The following FMO1 variants were observed in gnomAD, a reference collection of about 807,000 sequenced individuals.
FMO1 encodes flavin containing dimethylaniline monoxygenase 1, also known as flavin-containing monooxygenase 1.
In FMO1, 36 loss-of-function variants were observed where a neutral mutation model predicts 45.4. The ratio of observed to expected loss-of-function variants is 0.79; its 90% CI spans 0.61 to 1.05. FMO1 has a LOEUF of 1.05. FMO1 is among the 50% of genes least tolerant of loss of function. FMO1 has a pLI of 0.00. For missense variants in FMO1, 615 were observed against 640.3 expected, an observed-to-expected ratio of 0.96 and a Z score of 0.43; for synonymous variants, 228 against 227.2, an observed-to-expected ratio of 1.00 and a Z score of -0.03.
At chr1:171,285,162 T>C in intron 8 of FMO1, 40 bp from the exon 9 acceptor site, 1 of 1,363,670 alleles carries the variant, frequency 7.3e-7, no homozygotes, top group South Asian at 1.4e-5. Context: ...TTATCAGTTT[T>C]TTTGTCTTCA....
intron 1 of FMO1, among the ~76,000 whole-genome samples, chr1:171,253,286 T>C (rs2102063606): frequency 6.6e-6 from 1 of 152,292 alleles, no homozygotes; most frequent in Non-Finnish European, 1.5e-5. Flanking sequence ...AGATATACTG[T>C]GACTTTGTCT....
rs1237638206 is a variant in FMO1 at position 171,284,180 on chromosome 1, AAAAAAAAC to A, written c.1256+971_1256+978del. ...TGAAATAAAGGTTCTGTGGCAAAAA[AAAAAAAAC>A]AAAAAACAGCAAGTTTTAAAATCAT... On this transcript the variant is annotated intron_variant, in intron 8 of 8. Transcript: ENST00000617670. Among the ~76,000 whole-genome samples the A allele has an allele frequency of 9.8e-4, 129 of 131,386 alleles. 1 individual carries two copies. Among genetic ancestry groups the A allele is most frequent in the African/African-American group, 3.9e-3 (99 of 25,478 alleles). The allele number at this position is 131,386 out of a possible 152,430, so 86.2% of individuals were successfully genotyped here. A position where few individuals can be genotyped will look rare whatever the true frequency, so the allele number is the denominator to read the frequency against.
At chr1:171,251,434 G>C (rs1007867155) in intron 1 of FMO1, 11 of 150,992 alleles carry the variant, frequency 7.3e-5, no homozygotes, top group African/African-American at 2.7e-4. Flanking sequence ...GAGGGGCGCT[G>C]CCGCAGTTGG....
intron 2 of FMO1, among the ~76,000 whole-genome samples, chr1:171,263,680 ATCT>A (rs1660477831): frequency 6.6e-6 from 1 of 152,068 alleles, no homozygotes; most frequent in African/African-American, 2.4e-5. Context: ...GAAAACAAAA[ATCT>A]TCTCCTAAGT....
intron 1 of FMO1, among the ~76,000 whole-genome samples, chr1:171,255,483 G>A (rs751720221): frequency 6.6e-6 from 1 of 152,182 alleles, no homozygotes; most frequent in Non-Finnish European, 1.5e-5. Context: ...CAGGCACTTG[G>A]AGTAGGTAGT....
In FMO1 at chr1:171,273,633, C is replaced by T. The variant is rs1047596074; in HGVS notation, c.322-1713C>T. On this transcript the variant is annotated intron_variant, in intron 3 of 8. Coordinates refer to ENST00000617670, the MANE Select transcript of FMO1 (RefSeq NM_001282693.2). ...AGAAATCCTCCCACTTCAGCCTCCC[C>T]ACTATTAATAGCTGGGACTATAGGC... Among the ~76,000 whole-genome samples, 183 of 152,188 alleles carry T rather than the reference C, an allele frequency of 1.2e-3. 1 individual carries two copies. Among genetic ancestry groups the T allele is most frequent in the African/African-American group, 4.4e-3 (181 of 41,528 alleles).
chr1:171,273,071 G>A (rs1660936698), intron 3 of FMO1, among the ~76,000 whole-genome samples: 1 of 152,156 alleles, frequency 6.6e-6, no homozygotes, highest in South Asian at 2.1e-4. Flanking sequence ...CATGAGGGTA[G>A]GTCTTTCCCA....
At chr1:171,265,243 T>A (rs981730772) in intron 2 of FMO1, among the ~76,000 whole-genome samples, 2 of 151,494 alleles carry the variant, frequency 1.3e-5, no homozygotes, top group Admixed American at 1.3e-4. Flanking sequence ...ACAAAAAAAT[T>A]AGCCAAGCGT....
chr1:171,274,650 T>C (rs1350563247), intron 3 of FMO1, among the ~76,000 whole-genome samples: 1 of 152,198 alleles, frequency 6.6e-6, no homozygotes, highest in Non-Finnish European at 1.5e-5. Flanking sequence ...GAAGCCTATA[T>C]TCTTTAAAAA....
chr1:171,279,541 C>A (rs1026241859), intron 5 of FMO1, among the ~76,000 whole-genome samples: 1 of 152,096 alleles, frequency 6.6e-6, no homozygotes, highest in Non-Finnish European at 1.5e-5. Flanking sequence ...TCAAAGCCTA[C>A]GTTCCTAACT....
At chr1:171,261,778 G>A (rs1660387056) in intron 2 of FMO1, among the ~76,000 whole-genome samples, 1 of 152,148 alleles carries the variant, frequency 6.6e-6, no homozygotes, top group African/African-American at 2.4e-5. Context: ...CATTTCATTG[G>A]ATACTCACAA....
Position 171,267,699 on chromosome 1 carries a change from C to T in FMO1, c.289C>T (p.His97Tyr), listed in dbSNP as rs1660675712. 1 of 1,612,460 alleles carries T rather than the reference C, an allele frequency of 6.2e-7. No individual in the cohort carries two copies. The highest frequency in any genetic ancestry group is 8.5e-7 in the Non-Finnish European group (1 of 1,179,354). ...FLEYLKMYAN[H>Y]FDLLKHIQFK... The stretch of plus-strand genomic sequence containing the variant: ...GGAATATCTCAAAATGTATGCAAAC[C>T]ACTTTGACCTTCTGAAACACATTCA... Residue 97 changes from histidine (H) to tyrosine (Y), a missense_variant, in exon 3 of 9, where the codon CAC (histidine) becomes TAC (tyrosine). Physicochemically the swap from His to Tyr is moderately conservative, Grantham distance 83 (BLOSUM62 2). Transcript: ENST00000617670.
At chr1:171,277,895 G>T (rs1005830569) in intron 4 of FMO1, among the ~76,000 whole-genome samples, 1 of 152,014 alleles carries the variant, frequency 6.6e-6, no homozygotes, top group African/African-American at 2.4e-5. Context: ...AGAATGTAGA[G>T]GTCTTATTAC....
intron 7 of FMO1, chr1:171,282,829 T>C: frequency 3.4e-6 from 1 of 294,472 alleles, no homozygotes; most frequent in East Asian, 8.4e-5. Context: ...TTTCTGTCAG[T>C]TGACTGAATC....
intron 2 of FMO1, 88 bp downstream of exon 2, chr1:171,258,307 G>A: frequency 5.3e-6 from 8 of 1,505,796 alleles, no homozygotes; most frequent in Non-Finnish European, 7.3e-6. Flanking sequence ...CACAAGGGTT[G>A]GTGGCCTTGA....
chr1:171,280,780 T>C lies in FMO1; in HGVS notation c.628-6T>C, dbSNP rs1373931888. The stretch of plus-strand genomic sequence containing the variant: ...CAAATGAAGGGATGTCTTTGATTGC[T>C]TCCAGGTGTTCCTCAGCACCACCGG... On this transcript the variant is annotated splice_polypyrimidine_tract_variant and splice_region_variant and intron_variant, in intron 5 of 8. Transcript: ENST00000617670. The C allele has an allele frequency of 6.2e-7, 1 of 1,611,500 alleles. No homozygotes were observed. Among genetic ancestry groups the C allele is most frequent in the Non-Finnish European group, 8.5e-7 (1 of 1,179,130 alleles).
At chr1:171,266,045 G>GT (rs1251663010) in intron 2 of FMO1, among the ~76,000 whole-genome samples, 1 of 152,104 alleles carries the variant, frequency 6.6e-6, no homozygotes, top group African/African-American at 2.4e-5. Context: ...AACTTATACT[G>GT]TAAGATTAAA....
intron 1 of FMO1, among the ~76,000 whole-genome samples, chr1:171,254,366 A>G (rs1467764784): frequency 6.6e-6 from 1 of 152,196 alleles, no homozygotes; most frequent in Non-Finnish European, 1.5e-5. Flanking sequence ...CTAGGATTAT[A>G]GGCATGAACC....
At chr1:171,259,883 A>G (rs1660308002) in intron 2 of FMO1, among the ~76,000 whole-genome samples, 2 of 152,198 alleles carry the variant, frequency 1.3e-5, no homozygotes, top group Non-Finnish European at 2.9e-5. Flanking sequence ...ATGAGGATTC[A>G]CCCTGCCCTC....
Sources: gnomAD v4.1 joint callset for allele counts (sites outside exome capture counted in the v4.1 genomes callset) on GRCh38, gnomAD v4.1.1 for gene constraint, MANE v1.5 for transcripts, NCBI Gene and HGNC (gene_info 2026-07-23, HGNC 2026-07-21) for gene names.